PXYLP1: variants seen among roughly 807,000 people sequenced by gnomAD.
PXYLP1 encodes acid phosphatase-like 2.
PXYLP1 carries 17 observed loss-of-function variants against 37.9 expected under a neutral mutation model. The ratio of observed to expected loss-of-function variants is 0.45; its 90% confidence interval spans 0.31 to 0.67. The LOEUF is 0.67. Ranked by LOEUF, PXYLP1 falls within the 30% of genes least tolerant of loss-of-function variation. The pLI is 0.07. For missense variants in PXYLP1, 511 were observed against 612.0 expected, an observed-to-expected ratio of 0.84 and a Z score of 1.74; for synonymous variants, 221 against 232.2, an observed-to-expected ratio of 0.95 and a Z score of 0.44.
Position 141,232,975 on chromosome 3 carries a change from G to A in PXYLP1, c.-54+1064G>A, listed in dbSNP as rs138461976. The stretch of plus-strand genomic sequence containing the variant: ...GCTGTGAATGGGGAAGTGTAGGGGG[G>A]TGGATGGGGGATCGGAGAGTGCTCC... On this transcript the variant is annotated intron_variant, in intron 1 of 5. Coordinates refer to ENST00000286353, the MANE Select transcript of PXYLP1 (RefSeq NM_001037172.3). 3.6e-3 allele frequency among the ~76,000 whole-genome samples: 540 copies of A among 152,004 alleles called. 1 individual carries two copies. Among genetic ancestry groups the A allele is most frequent in the Non-Finnish European group, 5.7e-3 (387 of 67,954 alleles).
intron 1 of PXYLP1, among the ~76,000 whole-genome samples, chr3:141,248,945 GAGTC>G (rs1419624783): frequency 9.9e-5 from 15 of 151,602 alleles, no homozygotes; most frequent in African/African-American, 3.4e-4. Flanking sequence ...TTTGGGATCT[GAGTC>G]AGAGAATCCT....
intron 1 of PXYLP1, among the ~76,000 whole-genome samples, chr3:141,250,554 T>C (rs1204678815): frequency 6.6e-6 from 1 of 152,204 alleles, no homozygotes; most frequent in African/African-American, 2.4e-5. Flanking sequence ...TGTGGGCACA[T>C]GACACACTTC....
intron 1 of PXYLP1, among the ~76,000 whole-genome samples, chr3:141,246,612 T>C (rs1273348317): frequency 6.6e-6 from 1 of 152,128 alleles, no homozygotes; most frequent in African/African-American, 2.4e-5. Flanking sequence ...CTCCATTCAT[T>C]AATCTCTTCA....
intron 1 of PXYLP1, among the ~76,000 whole-genome samples, chr3:141,242,702 G>GT (rs1225005172): frequency 6.6e-6 from 1 of 152,206 alleles, no homozygotes; most frequent in African/African-American, 2.4e-5. Context: ...GTTTGATGCT[G>GT]TTTTTTGGGT....
At position 141,238,022 on chromosome 3, in the gene PXYLP1, T is replaced by G. The variant is rs577781693; in HGVS notation, c.-54+6111T>G. Reference sequence around the variant, plus strand: ...TTGCCAACACTATTTTTGGTCCTGGTTGACAGAATGCTGCCCTGGCTACTA... The same window carrying G: ...TTGCCAACACTATTTTTGGTCCTGGGTGACAGAATGCTGCCCTGGCTACTA... On this transcript the variant is annotated intron_variant, in intron 1 of 5. Transcript: ENST00000286353. 1.1e-4 allele frequency among the ~76,000 whole-genome samples: 17 copies of G among 152,322 alleles called. No homozygotes were observed. In the South Asian group the frequency reaches 3.5e-3, roughly 32 times the overall value.
chr3:141,286,858 G>A (rs1261283515), intron 4 of PXYLP1, among the ~76,000 whole-genome samples: 1 of 152,232 alleles, frequency 6.6e-6, no homozygotes, highest in African/African-American at 2.4e-5. Flanking sequence ...CTAGGTAGTA[G>A]CTGTGAGGAT....
At chr3:141,239,706 G>C (rs1056489805) in intron 1 of PXYLP1, among the ~76,000 whole-genome samples, 1 of 152,204 alleles carries the variant, frequency 6.6e-6, no homozygotes, top group Non-Finnish European at 1.5e-5. Context: ...CCAAATGCCC[G>C]AAGGGGAGTT....
At chr3:141,273,307 G>A (rs928225279) in intron 2 of PXYLP1, 1 of 985,322 alleles carries the variant, frequency 1.0e-6, no homozygotes, top group African/African-American at 1.7e-5. Flanking sequence ...CGGGCTTACA[G>A]GCTTCAGGAC....
At chr3:141,243,928 G>A (rs1940877020) in intron 1 of PXYLP1, among the ~76,000 whole-genome samples, 2 of 152,190 alleles carry the variant, frequency 1.3e-5, no homozygotes, top group African/African-American at 4.8e-5. Context: ...ATGTTTTACA[G>A]TACTCCTTTT....
At chr3:141,249,753 A>G (rs565559089) in intron 1 of PXYLP1, among the ~76,000 whole-genome samples, 5 of 152,330 alleles carry the variant, frequency 3.3e-5, no homozygotes, top group African/African-American at 1.2e-4. Flanking sequence ...TAATAATGCC[A>G]GTCTCAGATG....
At chr3:141,290,133 A>G (rs913150224) in intron 5 of PXYLP1, among the ~76,000 whole-genome samples, 3 of 152,186 alleles carry the variant, frequency 2.0e-5, no homozygotes, top group African/African-American at 7.2e-5. Context: ...ATGTAAGGTA[A>G]GATTGCTCAT....
At chr3:141,244,041 A>G (rs2107899895) in intron 1 of PXYLP1, among the ~76,000 whole-genome samples, 1 of 152,376 alleles carries the variant, frequency 6.6e-6, no homozygotes, top group Middle Eastern at 3.4e-3. Context: ...TACTTAAGGA[A>G]TAGTGAGCCA....
At chr3:141,273,202 T>C (rs1941710871) in intron 2 of PXYLP1, 1 of 985,178 alleles carries the variant, frequency 1.0e-6, no homozygotes, top group African/African-American at 1.7e-5. Context: ...CCTTGTCCAT[T>C]TTATTCTCTG....
At chr3:141,265,600 G>A (rs530121443) in intron 2 of PXYLP1, among the ~76,000 whole-genome samples, 175 of 152,268 alleles carry the variant, frequency 1.1e-3, no homozygotes, top group Non-Finnish European at 2.1e-3. Flanking sequence ...GCCAAGAGAC[G>A]TCATGGTGGT....
intron 1 of PXYLP1, among the ~76,000 whole-genome samples, chr3:141,248,684 CACACGTATATACACACACGTGTATATAT>C (rs1941047186): frequency 2.8e-5 from 1 of 35,770 alleles, no homozygotes; most frequent in Non-Finnish European, 4.3e-5. Flanking sequence ...TGTATATATA[CACACGTATATACACACACGTGTATATAT>C]ACACACGTAT....
chr3:141,238,055 C>T (rs1940702251), intron 1 of PXYLP1, among the ~76,000 whole-genome samples: 1 of 152,182 alleles, frequency 6.6e-6, no homozygotes, highest in Non-Finnish European at 1.5e-5. Context: ...CTATTTTGGA[C>T]TGGACTGGCT....
intron 2 of PXYLP1, chr3:141,262,152 C>A: frequency 2.1e-6 from 1 of 476,658 alleles, no homozygotes; most frequent in Non-Finnish European, 2.8e-6. Flanking sequence ...CTCTGATTCA[C>A]TTCCAATTGT....
intron 2 of PXYLP1, among the ~76,000 whole-genome samples, chr3:141,261,543 A>C (rs1472204392): frequency 6.6e-6 from 1 of 152,212 alleles, no homozygotes; most frequent in Non-Finnish European, 1.5e-5. Flanking sequence ...TTCCAAAGTC[A>C]CAGTTTACCT....
chr3:141,240,875 T>A (rs1940780818), intron 1 of PXYLP1, among the ~76,000 whole-genome samples: 1 of 152,174 alleles, frequency 6.6e-6, no homozygotes. Flanking sequence ...AGGCCCTCAT[T>A]ATCCCCCTGT....
Sources: gnomAD v4.1 joint callset for allele counts (sites outside exome capture counted in the v4.1 genomes callset) on GRCh38, gnomAD v4.1.1 for gene constraint, MANE v1.5 for transcripts, NCBI Gene and HGNC (gene_info 2026-07-23, HGNC 2026-07-21) for gene names.